The following PEX1 variants were observed in gnomAD, a reference collection of about 807,000 sequenced individuals.
The protein encoded by PEX1 is peroxisomal ATPase PEX1.
PEX1 carries 97 observed loss-of-function variants against 152.5 expected under a neutral mutation model. The observed-to-expected ratio is 0.64, with a 90% CI of 0.54 to 0.75. The LOEUF (loss-of-function observed/expected upper bound fraction) is 0.75. PEX1 is among the 30% of genes least tolerant of loss of function. The probability of loss-of-function intolerance (pLI) is 0.00; values close to 1 mark genes in which losing one functional copy is unlikely to be tolerated. For synonymous variants in PEX1, 485 were observed against 531.6 expected, an observed-to-expected ratio of 0.91 and a Z score of 1.21; for missense variants, 1,357 against 1,516.3, an observed-to-expected ratio of 0.89 and a Z score of 1.74.
rs1192838907 is a variant in PEX1 at position 92,496,726 on chromosome 7, C to A, written c.2770G>T (p.Asp924Tyr). The change falls in exon 17 of 24, where the codon GAT (aspartate) becomes TAT (tyrosine). Residue 924 changes from aspartate to tyrosine, a missense_variant. Transcript: ENST00000248633. The stretch of plus-strand genomic sequence containing the variant: ...TAGGCTACCAACCTAATAAAAATAT[C>A]CCGAACAGCTTGTTCACTTGCTCCA... Reference protein sequence around the residue: ...YIGASEQAVRDIFIRAQAAKP... With the variant: ...YIGASEQAVRYIFIRAQAAKP... The A allele has an allele frequency of 1.2e-6, 2 of 1,607,500 alleles. No homozygotes were observed. The highest frequency in any genetic ancestry group is 2.7e-5 in the African/African-American group (2 of 74,784).
Position 92,506,400 on chromosome 7 carries a change from C to T in PEX1, c.1804-56G>A, listed in dbSNP as rs369578414. ...AATATATTCAGTCACAGAAATAGTTCCTGTCATTGTGGCAACCACCAAGAT... is the reference window on the plus strand; with the variant it reads ...AATATATTCAGTCACAGAAATAGTTTCTGTCATTGTGGCAACCACCAAGAT... On this transcript the variant is annotated intron_variant, in intron 10 of 23. Coordinates refer to ENST00000248633, the MANE Select transcript of PEX1 (RefSeq NM_000466.3). The T allele has an allele frequency of 1.7e-4, 189 of 1,101,850 alleles. 3 individuals are homozygous for T. In the African/African-American group the frequency reaches 2.6e-3, roughly 15 times the overall value. The allele number at this position is 1,101,850 out of a possible 1,614,324, so 68.3% of individuals were successfully genotyped here. A position where few individuals can be genotyped will look rare whatever the true frequency, so the allele number is the denominator to read the frequency against.
chr7:92,489,443 T>G lies in PEX1; in HGVS notation c.3637-20A>C. 1 of 1,607,920 alleles carries G rather than the reference T, an allele frequency of 6.2e-7. No individual in the cohort carries two copies. Among genetic ancestry groups the G allele is most frequent in the Non-Finnish European group, 8.5e-7 (1 of 1,175,054 alleles). On this transcript the variant is annotated intron_variant, in intron 22 of 23. Transcript: ENST00000248633. Reference sequence around the variant, plus strand: ...GTCCTCCTTAAGTAAAAAAAGAAATTGACGAAGAGTTAAATTAAGGATGTA... The same window carrying G: ...GTCCTCCTTAAGTAAAAAAAGAAATGGACGAAGAGTTAAATTAAGGATGTA...
chr7:92,527,594 G>A (rs1193993868), intron 1 of PEX1, among the ~76,000 whole-genome samples: 1 of 152,216 alleles, frequency 6.6e-6, no homozygotes, highest in African/African-American at 2.4e-5. Context: ...GATTTATGAG[G>A]ATTTCAAATA....
At position 92,499,771 on chromosome 7, in the gene PEX1, C is replaced by G. The variant is rs1195011983; in HGVS notation, c.2651G>C (p.Gly884Ala). Residue 884 changes from glycine to alanine, a missense_variant, in exon 16 of 24, where the codon GGA becomes GCA. Physicochemically the swap from Gly to Ala is moderately conservative, Grantham distance 60. Transcript: ENST00000248633. ...RTGILLYGPP[G>A]TGKTLLAGVI... is the part of the protein sequence containing the mutation. ...CCCAGCTAGTAAGGTTTTTCCTGTTCCAGGCGGACCATACAACAGTATTCC... is the reference window on the plus strand; with the variant it reads ...CCCAGCTAGTAAGGTTTTTCCTGTTGCAGGCGGACCATACAACAGTATTCC... 2 of 1,612,818 alleles carry G rather than the reference C, an allele frequency of 1.2e-6. No homozygotes were observed. Among genetic ancestry groups the G allele is most frequent in the Non-Finnish European group, 1.7e-6 (2 of 1,178,950 alleles).
At chr7:92,526,608 TA>T (rs1281068677) in intron 1 of PEX1, among the ~76,000 whole-genome samples, 1 of 152,218 alleles carries the variant, frequency 6.6e-6, no homozygotes, top group Non-Finnish European at 1.5e-5. Flanking sequence ...TTCTAATGCC[TA>T]AAAATTAAGT....
intron 16 of PEX1, among the ~76,000 whole-genome samples, chr7:92,499,231 G>C (rs551805079): frequency 6.6e-6 from 1 of 152,264 alleles, no homozygotes; most frequent in Admixed American, 6.5e-5. Context: ...CAAGAGAAAT[G>C]AAAACATATC....
chr7:92,509,551 C>T (rs1051715636), intron 8 of PEX1, 140 bp from the exon 9 acceptor site: 1 of 658,726 alleles, frequency 1.5e-6, no homozygotes. Flanking sequence ...ATTTAAACAC[C>T]CTTGACAATA....
At chr7:92,496,144 A>T (rs1038415363) in intron 17 of PEX1, among the ~76,000 whole-genome samples, 1 of 152,084 alleles carries the variant, frequency 6.6e-6, no homozygotes. Context: ...TATTTTATGT[A>T]TATTCTCTTA....
At chr7:92,498,523 T>C (rs919727557) in intron 16 of PEX1, among the ~76,000 whole-genome samples, 6 of 152,122 alleles carry the variant, frequency 3.9e-5, no homozygotes, top group African/African-American at 1.4e-4. Flanking sequence ...ATAAATAAAT[T>C]ACTAAACTGA....
intron 20 of PEX1, 155 bp from the exon 21 acceptor site, chr7:92,491,657 T>C (rs1791332225): frequency 1.7e-6 from 1 of 602,688 alleles, no homozygotes; most frequent in South Asian, 2.0e-5. Flanking sequence ...TTGAGGCACA[T>C]GGTAAAAATT....
intron 20 of PEX1, among the ~76,000 whole-genome samples, chr7:92,492,557 C>T (rs904092018): frequency 6.6e-6 from 1 of 152,102 alleles, no homozygotes; most frequent in African/African-American, 2.4e-5. Context: ...AAAAGGGGCT[C>T]CTATTGGCCA....
rs749060853 is a variant in PEX1, at chr7:92,494,483, T to C, written c.2926+4A>G. 19 of 1,613,266 alleles carry C rather than the reference T, an allele frequency of 1.2e-5. No homozygotes were observed. Among genetic ancestry groups the C allele is most frequent in the Admixed American group, 1.7e-5 (1 of 59,996 alleles). ...CATTCTATTTCTGTATTTATAATTA[T>C]TACCCTGTAAGCCTTCTACTCCATC... On this transcript the variant is annotated splice_donor_region_variant and intron_variant, in intron 18 of 23. Coordinates refer to ENST00000248633, the MANE Select transcript of PEX1 (RefSeq NM_000466.3).
chr7:92,504,346 T>G (rs995550767), intron 12 of PEX1, among the ~76,000 whole-genome samples: 2 of 152,138 alleles, frequency 1.3e-5, no homozygotes, highest in Non-Finnish European at 2.9e-5. Flanking sequence ...TCATACACAG[T>G]AGCCATCATT....
chr7:92,500,692 G>GT (rs71962773), intron 15 of PEX1, among the ~76,000 whole-genome samples: 3 of 151,972 alleles, frequency 2.0e-5, no homozygotes, highest in Non-Finnish European at 4.4e-5. Context: ...CCTTAACCCA[G>GT]TTTTTTTTCT....
At chr7:92,514,818 G>A (rs921180842) in intron 5 of PEX1, among the ~76,000 whole-genome samples, 15 of 152,074 alleles carry the variant, frequency 9.9e-5, no homozygotes, top group Non-Finnish European at 2.9e-5. Context: ...TTGGGAGGCC[G>A]AGGTGGGCGG....
At chr7:92,498,179 T>C (rs1214469483) in intron 16 of PEX1, among the ~76,000 whole-genome samples, 2 of 148,208 alleles carry the variant, frequency 1.3e-5, no homozygotes, top group African/African-American at 5.0e-5. Flanking sequence ...GACAAAAGAG[T>C]AATTTACAAC....
chr7:92,522,294 C>A, intron 1 of PEX1, 49 bp from the exon 2 acceptor site: 1 of 1,570,318 alleles, frequency 6.4e-7, no homozygotes, highest in Non-Finnish European at 8.7e-7. Flanking sequence ...ATACATTTTT[C>A]TGGATTCACA....
rs1389259035 is a variant in PEX1 at position 92,514,040 on chromosome 7, T to C, written c.1240-73A>G. On this transcript the variant is annotated intron_variant, in intron 5 of 23. Coordinates refer to ENST00000248633, the MANE Select transcript of PEX1 (RefSeq NM_000466.3). Reference sequence around the variant, plus strand: ...TAAGAAATATTTCATAGCATAAATATTGATATATTAGCTTCTATGAATTTA... The same window carrying C: ...TAAGAAATATTTCATAGCATAAATACTGATATATTAGCTTCTATGAATTTA... The C allele has an allele frequency of 8.4e-6, 8 of 957,552 alleles. 1 individual carries two copies. In the Admixed American group the frequency reaches 1.6e-4, roughly 19 times the overall value. 59.3% of individuals were successfully genotyped at this position (957,552 alleles called of 1,614,324 possible). A position where few individuals can be genotyped will look rare whatever the true frequency, so the allele number is the denominator to read the frequency against.
chr7:92,504,383 T>C (rs1792078913), intron 12 of PEX1, among the ~76,000 whole-genome samples: 1 of 152,146 alleles, frequency 6.6e-6, no homozygotes. Flanking sequence ...GCTAATACTG[T>C]TCACCCTTCT....
Sources: allele counts gnomAD v4.1 joint callset (sites outside exome capture counted in the v4.1 genomes callset), GRCh38; gene constraint gnomAD v4.1.1; transcripts MANE v1.5; gene names NCBI Gene and HGNC (gene_info 2026-07-23, HGNC 2026-07-21).